RFX2: variants seen among roughly 807,000 people sequenced by gnomAD.
The protein encoded by RFX2 is DNA-binding protein RFX2.
RFX2 carries 20 observed loss-of-function variants against 87.8 expected under a neutral mutation model. That is an observed-to-expected ratio of 0.23 (90% confidence interval 0.16 to 0.33). The LOEUF is 0.33. RFX2 is among the 10% of genes least tolerant of loss of function. RFX2 has a pLI of 1.00. For synonymous variants in RFX2, 397 were observed against 431.3 expected (o/e 0.92, Z 0.98); for missense variants, 767 against 1,012.3 (o/e 0.76, Z 3.29).
chr19:6,096,695 C>A (rs534933679), intron 1 of RFX2, among the ~76,000 whole-genome samples: 4 of 152,340 alleles, frequency 2.6e-5, no homozygotes, highest in Admixed American at 2.6e-4. Flanking sequence ...ATCCGCCCAC[C>A]TTGGCCTCCC....
intron 1 of RFX2, among the ~76,000 whole-genome samples, chr19:6,100,046 A>C (rs1316803263): frequency 6.6e-6 from 1 of 152,214 alleles, no homozygotes; most frequent in East Asian, 1.9e-4. Context: ...GCTCTAGTTT[A>C]TATTTTCCAA....
rs1258901168 is a variant in RFX2 at position 6,007,195 on chromosome 19, G to A, written c.1248-29C>T. The A allele has an allele frequency of 6.2e-7, 1 of 1,606,906 alleles. No homozygotes were observed. The highest frequency in any genetic ancestry group is 8.5e-7 in the Non-Finnish European group (1 of 1,175,988). On this transcript the variant is annotated intron_variant, in intron 11 of 17. Coordinates refer to ENST00000303657, the MANE Select transcript of RFX2 (RefSeq NM_000635.4). The surrounding 1 kb of genome is among the most constrained non-coding windows in gnomAD (Gnocchi z 8.2). Reference sequence around the variant, plus strand: ...TGGAGGGAGGGGGGACAGGTGAGCTGTGGCCTGGCCCAGGTGGGCTCACTC... The same window carrying A: ...TGGAGGGAGGGGGGACAGGTGAGCTATGGCCTGGCCCAGGTGGGCTCACTC...
At chr19:6,076,301 G>A (rs769393035) in intron 1 of RFX2, among the ~76,000 whole-genome samples, 2 of 152,168 alleles carry the variant, frequency 1.3e-5, no homozygotes, top group African/African-American at 4.8e-5. Context: ...CCGAGATGGT[G>A]CCACTGTACT....
chr19:5,995,460 G>A, intron 17 of RFX2, 141 bp downstream of exon 17: 1 of 817,448 alleles, frequency 1.2e-6, no homozygotes, highest in Non-Finnish European at 2.0e-6. Context: ...CCACTGTCCG[G>A]ATGACAGATC....
chr19:6,028,310 T>C (rs968097890), intron 5 of RFX2, among the ~76,000 whole-genome samples: 3 of 152,186 alleles, frequency 2.0e-5, no homozygotes, highest in Non-Finnish European at 2.9e-5. Flanking sequence ...TCTACTTCTG[T>C]ATCTCCATCT....
At chr19:6,073,481 G>A (rs185555230) in intron 1 of RFX2, 42 of 833,416 alleles carry the variant, frequency 5.0e-5, no homozygotes, top group Non-Finnish European at 6.3e-5. Flanking sequence ...CCCAGCTGCC[G>A]TCAGAGTCAC....
At chr19:6,077,597 A>G (rs982702143) in intron 1 of RFX2, among the ~76,000 whole-genome samples, 4 of 152,246 alleles carry the variant, frequency 2.6e-5, no homozygotes, top group Non-Finnish European at 4.4e-5. Flanking sequence ...GTGCATGGCC[A>G]CACAAATGCT....
intron 1 of RFX2, among the ~76,000 whole-genome samples, chr19:6,099,981 C>T (rs568143865): frequency 1.3e-5 from 2 of 152,282 alleles, no homozygotes; most frequent in African/African-American, 4.8e-5. Flanking sequence ...AGAACAGTCT[C>T]CCCAACCAAG....
Position 6,026,176 on chromosome 19 carries a change from A to G in RFX2, c.584T>C (p.Leu195Ser), listed in dbSNP as rs2086886293. ...ACGCACACTTACATGGCTGTTGAGT[A>G]AACCGCTTTTGTGTGATGTGATTCC... ...SEGITSHKSG[L>S]LNSHLQWLLD... Residue 195 changes from leucine (L) to serine (S), a missense_variant, in exon 6 of 18, where the codon TTA (leucine) becomes TCA (serine). Coordinates refer to ENST00000303657, the MANE Select transcript of RFX2 (RefSeq NM_000635.4). The surrounding 1 kb of genome is among the most constrained non-coding windows in gnomAD (Gnocchi z 4.5). 6.2e-7 allele frequency: 1 copy of G among 1,613,670 alleles called. No homozygotes were observed. Among genetic ancestry groups the G allele is most frequent in the South Asian group, 1.1e-5 (1 of 91,022 alleles).
rs181934039 is a variant in RFX2 at position 6,063,784 on chromosome 19, C to T, written c.-8-16280G>A. On this transcript the variant is annotated intron_variant, in intron 1 of 17. Coordinates refer to ENST00000303657, the MANE Select transcript of RFX2 (RefSeq NM_000635.4). This position sits in a 1 kb window ranked among gnomAD's most constrained non-coding sequence, Gnocchi z 4.0. ...GTCCTGGGCACCGCAGGGTGCTGGG[C>T]AGCATCCCTGGCCTCCACCCACTCC... Among the ~76,000 whole-genome samples the T allele has an allele frequency of 2.9e-3, 441 of 152,304 alleles. 2 individuals carry two copies. Among genetic ancestry groups the T allele is most frequent in the African/African-American group, 9.9e-3 (411 of 41,566 alleles).
intron 1 of RFX2, among the ~76,000 whole-genome samples, chr19:6,108,811 C>G (rs1375636140): frequency 6.6e-6 from 1 of 152,166 alleles, no homozygotes; most frequent in Non-Finnish European, 1.5e-5. Context: ...GAAGATGAAC[C>G]GCGCCGGCAG....
intron 1 of RFX2, among the ~76,000 whole-genome samples, chr19:6,089,460 C>T (rs548653230): frequency 7.0e-4 from 107 of 152,226 alleles, no homozygotes; most frequent in African/African-American, 2.5e-3. Flanking sequence ...TGTTGTGTCC[C>T]CCCAAAACTC....
At chr19:6,031,423 C>CT (rs58834364) in intron 5 of RFX2, among the ~76,000 whole-genome samples, 57,678 of 89,980 alleles carry the variant, frequency 0.64, 20,402 homozygotes, top group Non-Finnish European at 0.71. Flanking sequence ...TTCTCCTTCC[C>CT]TTTTTTTTTT....
chr19:6,095,045 G>C (rs56730124), intron 1 of RFX2, among the ~76,000 whole-genome samples: 2,525 of 152,328 alleles, frequency 0.017, 67 homozygotes, highest in African/African-American at 0.058. Flanking sequence ...CCAGGAGGCA[G>C]AGCTTGCAGT....
rs2086667225 is a variant in RFX2, at chr19:6,012,172, A to AT, written c.899+813_899+814insA. On this transcript the variant is annotated intron_variant, in intron 8 of 17. Transcript: ENST00000303657. This position sits in a 1 kb window ranked among gnomAD's most constrained non-coding sequence, Gnocchi z 4.6. ...AGATGAGAAAGTTTGTGATGGATGG[A>AT]GAAGAGGATCTTCCAGAAAATAACC... is the stretch of plus-strand genomic sequence containing the variant. 1 of 152,244 alleles carries AT rather than the reference A, an allele frequency of 6.6e-6. No individual in the cohort carries two copies. Among genetic ancestry groups the AT allele is most frequent in the Non-Finnish European group, 1.5e-5 (1 of 68,050 alleles). The allele number at this position is 152,244 out of a possible 1,614,324, so 9.4% of individuals were successfully genotyped here.
intron 1 of RFX2, among the ~76,000 whole-genome samples, chr19:6,079,488 A>T (rs1318468118): frequency 6.6e-6 from 1 of 152,240 alleles, no homozygotes; most frequent in East Asian, 1.9e-4. Flanking sequence ...AGAGCTATAG[A>T]AAGGGACAGC....
At position 6,107,616 on chromosome 19, in the gene RFX2, C is replaced by CAAAAAAAAAAAAAAAA. The variant is rs1156483792; in HGVS notation, c.-9+2761_-9+2776dup. ...TGGGTGACAGAGTGAGACCCTGTCTCAAAAAAAAAAAAAAAAAAAAAAAAA... is the reference window on the plus strand; with the variant it reads ...TGGGTGACAGAGTGAGACCCTGTCTCAAAAAAAAAAAAAAAAAAAAAAAAAAAAAAAAAAAAAAAAA... On this transcript the variant is annotated intron_variant, in intron 1 of 17. Transcript: ENST00000303657. Among the ~76,000 whole-genome samples, 11 of 31,556 alleles carry CAAAAAAAAAAAAAAAA rather than the reference C, an allele frequency of 3.5e-4. 1 individual carries two copies. Among genetic ancestry groups the CAAAAAAAAAAAAAAAA allele is most frequent in the South Asian group, 1.4e-3 (1 of 738 alleles). The allele number at this position is 31,556 out of a possible 152,430, so 20.7% of individuals were successfully genotyped here.
chr19:6,066,208 C>T (rs1004587952), intron 1 of RFX2, among the ~76,000 whole-genome samples: 2 of 152,110 alleles, frequency 1.3e-5, no homozygotes, highest in Non-Finnish European at 2.9e-5. Context: ...AACGTGCGAC[C>T]TCTCTTAATA....
At chr19:6,102,186 T>C (rs2088137688) in intron 1 of RFX2, among the ~76,000 whole-genome samples, 1 of 152,148 alleles carries the variant, frequency 6.6e-6, no homozygotes, top group Non-Finnish European at 1.5e-5. Context: ...CAAGATGCAG[T>C]TCAGATCCAC....
Sources: allele counts gnomAD v4.1 joint callset (sites outside exome capture counted in the v4.1 genomes callset), GRCh38; gene constraint gnomAD v4.1.1; non-coding constraint Gnocchi (gnomAD v3.1); transcripts MANE v1.5; gene names NCBI Gene and HGNC (gene_info 2026-07-23, HGNC 2026-07-21).